CSNK1A1: variants seen among roughly 807,000 people sequenced by gnomAD.
CSNK1A1 encodes casein kinase I isoform alpha.
Under a neutral mutation model 46.1 loss-of-function variants are expected in CSNK1A1, and 7 were observed. That is an observed-to-expected ratio of 0.15 (90% confidence interval 0.09 to 0.29). The LOEUF (loss-of-function observed/expected upper bound fraction) is 0.29. Ranked by LOEUF, CSNK1A1 falls within the 10% of genes least tolerant of loss-of-function variation. CSNK1A1 has a pLI of 1.00. For missense variants in CSNK1A1, 96 were observed against 417.1 expected, an observed-to-expected ratio of 0.23 and a Z score of 6.71; for synonymous variants, 137 against 141.5, an observed-to-expected ratio of 0.97 and a Z score of 0.23.
At chr5:149,533,376 G>A (rs1035273365) in intron 2 of CSNK1A1, among the ~76,000 whole-genome samples, 1 of 152,030 alleles carries the variant, frequency 6.6e-6, no homozygotes, top group Non-Finnish European at 1.5e-5. Flanking sequence ...GGAGGCATCA[G>A]GGAAAGTTTC....
At chr5:149,542,621 T>G (rs867298875) in intron 2 of CSNK1A1, among the ~76,000 whole-genome samples, 1 of 13,124 alleles carries the variant, frequency 7.6e-5, no homozygotes, top group Non-Finnish European at 1.1e-4. Flanking sequence ...TATATATATA[T>G]ATATATATAT....
At chr5:149,531,050 A>G (rs1761881394) in intron 2 of CSNK1A1, among the ~76,000 whole-genome samples, 1 of 151,218 alleles carries the variant, frequency 6.6e-6, no homozygotes, top group African/African-American at 2.4e-5. Flanking sequence ...CAATTTTCCT[A>G]TACATTCATA....
chr5:149,516,190 C>CAT (rs1761395189), intron 4 of CSNK1A1, among the ~76,000 whole-genome samples: 1 of 152,064 alleles, frequency 6.6e-6, no homozygotes, highest in African/African-American at 2.4e-5. Context: ...CATGGTGGCG[C>CAT]ATACCTGTAA....
At chr5:149,542,636 A>ACATG (rs1762307825) in intron 2 of CSNK1A1, among the ~76,000 whole-genome samples, 6 of 9,782 alleles carry the variant, frequency 6.1e-4, no homozygotes, top group African/African-American at 3.9e-3. Context: ...ATATATATAT[A>ACATG]TATGTATATA....
At position 149,496,500 on chromosome 5, in the gene CSNK1A1, A is replaced by G. The variant is rs1197592376; in HGVS notation, c.*353T>C. 3 of 277,936 alleles carry G rather than the reference A, an allele frequency of 1.1e-5. No individual in the cohort carries two copies. In the East Asian group the frequency reaches 2.1e-4, roughly 20 times the overall value. The allele number at this position is 277,936 out of a possible 1,614,324, so 17.2% of individuals were successfully genotyped here. ...TTCTGAAATGAGATCTCAAAGCAGT[A>G]TAGTTCAAAACAAAAGGTTTTAACA... On this transcript the variant is annotated 3_prime_UTR_variant, in exon 10 of 10. Coordinates refer to ENST00000377843, the MANE Select transcript of CSNK1A1 (RefSeq NM_001892.6).
At chr5:149,545,764 C>T in intron 2 of CSNK1A1, 1 of 626,810 alleles carries the variant, frequency 1.6e-6, no homozygotes, top group East Asian at 3.3e-5. Flanking sequence ...ATTTTCAGGA[C>T]TGGTTGTGTG....
rs368739763 is a variant in CSNK1A1, at chr5:149,511,783, G to A, written c.675+11C>T. 2 of 1,557,868 alleles carry A rather than the reference G, an allele frequency of 1.3e-6. No homozygotes were observed. The highest frequency in any genetic ancestry group is 3.6e-5 in the Admixed American group (2 of 55,632). On this transcript the variant is annotated intron_variant, in intron 6 of 9. Coordinates refer to ENST00000377843, the MANE Select transcript of CSNK1A1 (RefSeq NM_001892.6). ...GAGAGAGAAAAATCTGATAATGTGAGTCTGGTTTACCTTTAGCCCTTGCCA... is the reference window on the plus strand; with the variant it reads ...GAGAGAGAAAAATCTGATAATGTGAATCTGGTTTACCTTTAGCCCTTGCCA...
At position 149,550,995 on chromosome 5, in the gene CSNK1A1, A is replaced by G. The variant is rs377437190; in HGVS notation, c.-31T>C. 2.2e-5 allele frequency: 35 copies of G among 1,613,094 alleles called. No homozygotes were observed. The African/African-American group carries it at 3.9e-4, about 18-fold the overall frequency. Reference sequence around the variant, plus strand: ...GAGACGAAGATGGAGGCTGGGGCCAAGCCCCGACACCTCTGGGAAGAGGAC... The same window carrying G: ...GAGACGAAGATGGAGGCTGGGGCCAGGCCCCGACACCTCTGGGAAGAGGAC... On this transcript the variant is annotated 5_prime_UTR_variant, in exon 1 of 10. Transcript: ENST00000377843. This position sits in a 1 kb window ranked among gnomAD's most constrained non-coding sequence, Gnocchi z 4.3.
At position 149,544,735 on chromosome 5, in the gene CSNK1A1, CTTTATATATATATA is replaced by C. The variant is rs1345981118; in HGVS notation, c.230+5326_230+5339del. On this transcript the variant is annotated intron_variant, in intron 2 of 9. Coordinates refer to ENST00000377843, the MANE Select transcript of CSNK1A1 (RefSeq NM_001892.6). ...AAGTGAGGATGATGAGGGTAAAGAGCTTTATATATATATATATATATATATATATAGTTATTGAC... is the reference window on the plus strand; with the variant it reads ...AAGTGAGGATGATGAGGGTAAAGAGCTATATATATATATATAGTTATTGAC... 1.3e-3 allele frequency among the ~76,000 whole-genome samples: 28 copies of C among 21,690 alleles called. 2 individuals are homozygous for C. Among genetic ancestry groups the C allele is most frequent in the African/African-American group, 6.5e-3 (28 of 4,334 alleles). 14.2% of individuals were successfully genotyped at this position (21,690 alleles called of 152,430 possible). A position where few individuals can be genotyped will look rare whatever the true frequency, so the allele number is the denominator to read the frequency against.
Position 149,517,757 on chromosome 5 carries a change from T to G in CSNK1A1, c.456+2533A>C, listed in dbSNP as rs1211328257. ...ACAATAAAAAAGAAAAGCACATGAA[T>G]TTGGGATTGAGGTTGGAATAGGAGA... is the stretch of plus-strand genomic sequence containing the variant. On this transcript the variant is annotated intron_variant, in intron 4 of 9. Coordinates refer to ENST00000377843, the MANE Select transcript of CSNK1A1 (RefSeq NM_001892.6). This position sits in a 1 kb window ranked among gnomAD's most constrained non-coding sequence, Gnocchi z 4.4. 7.9e-7 allele frequency: 1 copy of G among 1,259,440 alleles called. No homozygotes were observed. Among genetic ancestry groups the G allele is most frequent in the Non-Finnish European group, 1.1e-6 (1 of 877,892 alleles). The allele number at this position is 1,259,440 out of a possible 1,614,324, so 78.0% of individuals were successfully genotyped here. A position where few individuals can be genotyped will look rare whatever the true frequency, so the allele number is the denominator to read the frequency against.
At chr5:149,530,691 G>C (rs957511066) in intron 2 of CSNK1A1, among the ~76,000 whole-genome samples, 4 of 152,146 alleles carry the variant, frequency 2.6e-5, no homozygotes, top group Non-Finnish European at 5.9e-5. Flanking sequence ...ACTCAGGCCA[G>C]GCGCGGTGGC....
chr5:149,494,811 C>G lies in CSNK1A1; in HGVS notation c.*2042G>C, dbSNP rs1165963695. ...AATCTGCAACTTAATTACAGACCAA[C>G]TACACCACAACCTTTTCAAATGGCA... On this transcript the variant is annotated 3_prime_UTR_variant, in exon 10 of 10. Coordinates refer to ENST00000377843, the MANE Select transcript of CSNK1A1 (RefSeq NM_001892.6). 6.6e-6 allele frequency: 1 copy of G among 152,160 alleles called. No individual in the cohort carries two copies. The highest frequency in any genetic ancestry group is 2.1e-4 in the South Asian group (1 of 4,830). 9.4% of individuals were successfully genotyped at this position (152,160 alleles called of 1,614,324 possible).
intron 9 of CSNK1A1, chr5:149,505,132 A>G (rs993194571): frequency 9.7e-7 from 1 of 1,028,320 alleles, no homozygotes; most frequent in African/African-American, 1.7e-5. Flanking sequence ...CCCAACACCA[A>G]ATTTTTGGAA....
In CSNK1A1 at chr5:149,511,775, T is replaced by C. The variant is rs1216094588; in HGVS notation, c.675+19A>G. The C allele has an allele frequency of 5.3e-6, 8 of 1,522,172 alleles. 1 individual carries two copies. The South Asian group carries it at 9.6e-5, about 18-fold the overall frequency. 94.3% of individuals were successfully genotyped at this position (1,522,172 alleles called of 1,614,324 possible). A position where few individuals can be genotyped will look rare whatever the true frequency, so the allele number is the denominator to read the frequency against. ...CTAAAAAAGAGAGAGAAAAATCTGA[T>C]AATGTGAGTCTGGTTTACCTTTAGC... On this transcript the variant is annotated intron_variant, in intron 6 of 9. Transcript: ENST00000377843.
chr5:149,503,710 AG>A (rs1256696045), intron 9 of CSNK1A1: 9 of 985,336 alleles, frequency 9.1e-6, no homozygotes, highest in Non-Finnish European at 1.1e-5. Context: ...AGACATGGAT[AG>A]GGCAGGACAC....
intron 4 of CSNK1A1, among the ~76,000 whole-genome samples, chr5:149,516,900 A>G (rs1430885833): frequency 6.6e-6 from 1 of 152,236 alleles, no homozygotes; most frequent in Non-Finnish European, 1.5e-5. Flanking sequence ...TTAAGGTATT[A>G]CAAAGCATGT....
At chr5:149,549,519 G>A (rs886777450) in intron 2 of CSNK1A1, 3 of 702,180 alleles carry the variant, frequency 4.3e-6, no homozygotes, top group Admixed American at 4.0e-5. Flanking sequence ...GGCTGCTAAA[G>A]GAGGAATCAA....
At position 149,551,148 on chromosome 5, in the gene CSNK1A1, C is replaced by A. The variant is rs1762646806; in HGVS notation, c.-184G>T. 5.6e-6 allele frequency: 3 copies of A among 532,728 alleles called. No individual in the cohort carries two copies. The highest frequency in any genetic ancestry group is 6.5e-6 in the Non-Finnish European group (2 of 308,932). The allele number at this position is 532,728 out of a possible 1,614,324, so 33.0% of individuals were successfully genotyped here. A position where few individuals can be genotyped will look rare whatever the true frequency, so the allele number is the denominator to read the frequency against. ...GGGAACCTGATCACCGCCGCTCAGT[C>A]AGGTTTCTTTTTGCCAGGCCGCAGT... On this transcript the variant is annotated 5_prime_UTR_variant, in exon 1 of 10. Coordinates refer to ENST00000377843, the MANE Select transcript of CSNK1A1 (RefSeq NM_001892.6).
intron 9 of CSNK1A1, chr5:149,497,508 C>T: frequency 1.0e-6 from 1 of 985,544 alleles, no homozygotes; most frequent in East Asian, 1.1e-4. Context: ...CAAATACTTC[C>T]CTCCTCCACC....
Sources: gnomAD v4.1 joint callset for allele counts (sites outside exome capture counted in the v4.1 genomes callset) on GRCh38, gnomAD v4.1.1 for gene constraint, Gnocchi (gnomAD v3.1) non-coding constraint, MANE v1.5 for transcripts, NCBI Gene and HGNC (gene_info 2026-07-23, HGNC 2026-07-21) for gene names.